GLI3: variants seen among roughly 807,000 people sequenced by gnomAD.
GLI3 encodes the protein GLI family zinc finger 3, also known as transcription activator GLI3.
A neutral mutation model predicts 100.8 loss-of-function variants in GLI3; 20 were observed. The observed-to-expected ratio is 0.20, with a 90% CI of 0.14 to 0.29. GLI3 has a LOEUF of 0.29. Among genes scored for constraint, GLI3 ranks in the 10% least tolerant of loss-of-function variants. The pLI, the probability that GLI3 is intolerant of heterozygous loss-of-function variation, is 1.00. For synonymous variants in GLI3, 938 were observed against 860.5 expected (o/e 1.09, Z -1.58); for missense variants, 2,040 against 2,128.5 (o/e 0.96, Z 0.82).
chr7:42,236,109 A>G (rs1254956078), intron 1 of GLI3, among the ~76,000 whole-genome samples: 2 of 152,080 alleles, frequency 1.3e-5, no homozygotes, highest in Non-Finnish European at 2.9e-5. Context: ...AAAGGATAAA[A>G]GGCCGGGTGC....
chr7:42,171,168 A>C (rs1044469758), intron 2 of GLI3, among the ~76,000 whole-genome samples: 1 of 152,160 alleles, frequency 6.6e-6, no homozygotes, highest in East Asian at 1.9e-4. Context: ...TGATTGCAAA[A>C]ATTTTCAAGA....
intron 2 of GLI3, among the ~76,000 whole-genome samples, chr7:42,169,125 T>C (rs1336768224): frequency 1.3e-5 from 2 of 151,254 alleles, no homozygotes; most frequent in African/African-American, 4.9e-5. Context: ...AAATGGAAAG[T>C]GTCAATTCAA....
intron 3 of GLI3, among the ~76,000 whole-genome samples, chr7:42,095,850 G>A (rs73323676): frequency 0.082 from 12,425 of 152,176 alleles, 1,034 homozygotes; most frequent in African/African-American, 0.22. Context: ...GGCGATCACA[G>A]GAGTGGATGG....
intron 4 of GLI3, among the ~76,000 whole-genome samples, chr7:42,054,897 A>G (rs747901595): frequency 2.0e-5 from 3 of 151,886 alleles, no homozygotes; most frequent in Non-Finnish European, 4.4e-5. Context: ...CGGGAGGCTG[A>G]GGCAGGAGGA....
chr7:42,218,376 T>G (rs997039314), intron 2 of GLI3, among the ~76,000 whole-genome samples: 1 of 151,856 alleles, frequency 6.6e-6, no homozygotes, highest in African/African-American at 2.4e-5. Context: ...CAAAGCCATC[T>G]GACTCCCAGC....
chr7:41,992,355 G>A (rs946313266), intron 10 of GLI3, among the ~76,000 whole-genome samples: 1 of 152,140 alleles, frequency 6.6e-6, no homozygotes, highest in African/African-American at 2.4e-5. Flanking sequence ...CAGGAGATTT[G>A]GTGACGATTA....
At chr7:42,196,987 T>C (rs2128690916) in intron 2 of GLI3, among the ~76,000 whole-genome samples, 1 of 152,346 alleles carries the variant, frequency 6.6e-6, no homozygotes, top group South Asian at 2.1e-4. Flanking sequence ...TTACTCCTGA[T>C]GGCAACCCTT....
intron 4 of GLI3, among the ~76,000 whole-genome samples, chr7:42,055,106 T>TATACATATATATGTATATATAC (rs1554319462): frequency 3.6e-5 from 5 of 138,642 alleles, no homozygotes; most frequent in East Asian, 2.3e-4. Flanking sequence ...CACATATATG[T>TATACATATATATGTATATATAC]ATATATACAC....
chr7:42,239,816 A>G (rs1270496581), upstream of GLI3, among the ~76,000 whole-genome samples: 2 of 152,224 alleles, frequency 1.3e-5, no homozygotes, highest in Admixed American at 6.5e-5. Context: ...TGGTAAACCC[A>G]TACATATAAG....
At chr7:42,032,782 A>AT (rs1024815986) in intron 7 of GLI3, among the ~76,000 whole-genome samples, 27 of 152,358 alleles carry the variant, frequency 1.8e-4, no homozygotes, top group African/African-American at 6.5e-4. Context: ...AAAGAAAACA[A>AT]TAGAGGAAAG....
chr7:42,087,114 A>G (rs1307314288), intron 3 of GLI3, among the ~76,000 whole-genome samples: 1 of 152,166 alleles, frequency 6.6e-6, no homozygotes, highest in Non-Finnish European at 1.5e-5. Context: ...AAAGGTGAAA[A>G]GGGGGAGGAA....
intron 4 of GLI3, among the ~76,000 whole-genome samples, chr7:42,074,639 A>G (rs1784843285): frequency 6.6e-6 from 1 of 152,152 alleles, no homozygotes; most frequent in South Asian, 2.1e-4. Context: ...GACATGCCCC[A>G]GCTTGCTGGG....
intron 1 of GLI3, among the ~76,000 whole-genome samples, chr7:42,255,897 A>C (rs1789080412): frequency 6.6e-6 from 1 of 152,216 alleles, no homozygotes. Context: ...ACTGTTTTCC[A>C]AAGTGGCCAT....
intron 4 of GLI3, among the ~76,000 whole-genome samples, chr7:42,050,392 T>G (rs1784330647): frequency 6.6e-6 from 1 of 152,234 alleles, no homozygotes; most frequent in Non-Finnish European, 1.5e-5. Context: ...CTATTAGTCT[T>G]TCCTATTTTA....
chr7:42,011,928 T>G (rs1010523699), intron 10 of GLI3, among the ~76,000 whole-genome samples: 1 of 152,200 alleles, frequency 6.6e-6, no homozygotes, highest in African/African-American at 2.4e-5. Context: ...CTATGTGATA[T>G]GTATTTTACT....
intron 3 of GLI3, among the ~76,000 whole-genome samples, chr7:42,116,612 A>G (rs780549049): frequency 9.2e-5 from 14 of 152,192 alleles, no homozygotes; most frequent in Non-Finnish European, 1.3e-4. Flanking sequence ...AAATTGCCAG[A>G]CAGACCACCT....
chr7:42,184,394 G>A (rs576221917), intron 2 of GLI3, among the ~76,000 whole-genome samples: 1 of 152,240 alleles, frequency 6.6e-6, no homozygotes, highest in Admixed American at 6.5e-5. Flanking sequence ...TATCTCATCA[G>A]CCCATTTATG....
rs117982343 is a variant in GLI3 at position 42,072,831 on chromosome 7, T to C, written c.473+3921A>G. ...GCACAAAATAATCTCAGTAATAAAG[T>C]AGACTCACTCTGATATTTTTTCTAA... On this transcript the variant is annotated intron_variant, in intron 4 of 14. Transcript: ENST00000395925. Among the ~76,000 whole-genome samples the C allele has an allele frequency of 3.0e-4, 46 of 152,256 alleles. No homozygotes were observed. In the East Asian group the frequency reaches 5.2e-3, roughly 17 times the overall value.
intron 3 of GLI3, among the ~76,000 whole-genome samples, chr7:42,116,643 A>C (rs1270397973): frequency 6.6e-6 from 1 of 152,178 alleles, no homozygotes; most frequent in Non-Finnish European, 1.5e-5. Flanking sequence ...AGGGCACAGC[A>C]TTGGTTACCG....
Sources: gnomAD v4.1 joint callset for allele counts (sites outside exome capture counted in the v4.1 genomes callset) on GRCh38, gnomAD v4.1.1 for gene constraint, MANE v1.5 for transcripts, NCBI Gene and HGNC (gene_info 2026-07-23, HGNC 2026-07-21) for gene names.